ITGA4: variants seen among roughly 807,000 people sequenced by gnomAD.
The protein encoded by ITGA4 is integrin subunit alpha 4.
Under a neutral mutation model 133.6 loss-of-function variants are expected in ITGA4, and 63 were observed. That is an observed-to-expected ratio of 0.47 (90% CI 0.38 to 0.58). ITGA4 has a LOEUF of 0.58. ITGA4 is among the 20% of genes least tolerant of loss of function. The pLI is 0.00. For synonymous variants in ITGA4, 483 were observed against 438.0 expected, an observed-to-expected ratio of 1.10 and a Z score of -1.28; for missense variants, 1,076 against 1,252.7, an observed-to-expected ratio of 0.86 and a Z score of 2.13.
chr2:181,535,632 T>A lies in ITGA4; in HGVS notation c.*105T>A. 7.1e-7 allele frequency: 1 copy of A among 1,407,798 alleles called. No individual in the cohort carries two copies. The highest frequency in any genetic ancestry group is 9.5e-7 in the Non-Finnish European group (1 of 1,052,312). 87.2% of individuals were successfully genotyped at this position (1,407,798 alleles called of 1,614,324 possible). ...AAATGAATTTTGTTTGGACTTCTTT[T>A]ACTCATGATCTTGTGACATATTATG... On this transcript the variant is annotated 3_prime_UTR_variant, in exon 28 of 28. Transcript: ENST00000397033.
chr2:181,469,866 G>A (rs1167560845), intron 2 of ITGA4, among the ~76,000 whole-genome samples: 2 of 151,638 alleles, frequency 1.3e-5, no homozygotes, highest in African/African-American at 2.4e-5. Flanking sequence ...ATTGAACAAT[G>A]AGAACACTTG....
intron 2 of ITGA4, among the ~76,000 whole-genome samples, chr2:181,466,723 A>G (rs1685425032): frequency 1.3e-5 from 2 of 152,174 alleles, no homozygotes; most frequent in African/African-American, 4.8e-5. Flanking sequence ...ATTAGTATTA[A>G]TGGATTTAGT....
At chr2:181,528,114 TATA>T (rs1449686481) in intron 22 of ITGA4, among the ~76,000 whole-genome samples, 1 of 152,210 alleles carries the variant, frequency 6.6e-6, no homozygotes, top group Non-Finnish European at 1.5e-5. Flanking sequence ...TTGGATTAGG[TATA>T]ATATTTTGTA....
chr2:181,492,987 AAC>A (rs1686085024), intron 10 of ITGA4: 2 of 193,646 alleles, frequency 1.0e-5, no homozygotes, highest in Non-Finnish European at 2.1e-5. Flanking sequence ...AGGGAATTGA[AAC>A]ACAGATTAAG....
At chr2:181,475,414 TTAAC>T (rs1447461533) in intron 4 of ITGA4, 126 bp downstream of exon 4, 15 of 736,356 alleles carry the variant, frequency 2.0e-5, no homozygotes, top group Non-Finnish European at 3.1e-5. Flanking sequence ...TATGTTCTTT[TTAAC>T]TACTCAATTT....
Position 181,516,043 on chromosome 2 carries a change from T to C in ITGA4, c.1922+4268T>C, listed in dbSNP as rs561277561. Among the ~76,000 whole-genome samples the C allele has an allele frequency of 1.3e-5, 2 of 152,222 alleles. No individual in the cohort carries two copies. The highest frequency in any genetic ancestry group is 4.1e-4 in the South Asian group (2 of 4,824). On this transcript the variant is annotated intron_variant, in intron 17 of 27. Transcript: ENST00000397033. This position sits in a 1 kb window ranked among gnomAD's most constrained non-coding sequence, Gnocchi z 4.0. Reference sequence around the variant, plus strand: ...TGAGGCTTCCTCCTGTATGTCTAAATGCTTAGGACAATAAACTGCATTTAT... The same window carrying C: ...TGAGGCTTCCTCCTGTATGTCTAAACGCTTAGGACAATAAACTGCATTTAT...
chr2:181,534,068 A>T (rs1687001026), intron 25 of ITGA4, among the ~76,000 whole-genome samples: 1 of 152,184 alleles, frequency 6.6e-6, no homozygotes, highest in Non-Finnish European at 1.5e-5. Flanking sequence ...TGTTTAATCA[A>T]AGGATTTCAA....
At chr2:181,466,429 C>G (rs982404689) in intron 2 of ITGA4, among the ~76,000 whole-genome samples, 1 of 152,040 alleles carries the variant, frequency 6.6e-6, no homozygotes, top group Non-Finnish European at 1.5e-5. Flanking sequence ...CATTTAAACA[C>G]ATTTTTTTAA....
Position 181,462,524 on chromosome 2 carries a change from C to A in ITGA4, c.319+4207C>A, listed in dbSNP as rs144561415. Reference sequence around the variant, plus strand: ...ATATGTTTTTCTTGATAACTTTTTACTTTTTCATTTGCAATGTGCTTTAAA... The same window carrying A: ...ATATGTTTTTCTTGATAACTTTTTAATTTTTCATTTGCAATGTGCTTTAAA... On this transcript the variant is annotated intron_variant, in intron 2 of 27. Transcript: ENST00000397033. 2.0e-3 allele frequency among the ~76,000 whole-genome samples: 303 copies of A among 152,238 alleles called. 3 individuals are homozygous for A. The highest frequency in any genetic ancestry group is 6.9e-3 in the African/African-American group (287 of 41,552).
chr2:181,492,359 T>C (rs1252592695), intron 10 of ITGA4, among the ~76,000 whole-genome samples: 3 of 152,256 alleles, frequency 2.0e-5, no homozygotes, highest in Non-Finnish European at 4.4e-5. Flanking sequence ...ATATCAAAGA[T>C]ATTTTTATCC....
At chr2:181,458,359 C>A (rs773206388) in intron 2 of ITGA4, 42 bp downstream of exon 2, 2 of 1,594,608 alleles carry the variant, frequency 1.3e-6, no homozygotes, top group East Asian at 4.5e-5. Context: ...CCTCCCGACC[C>A]CCCATGTGGA....
At chr2:181,471,860 T>G (rs755919808) in intron 2 of ITGA4, among the ~76,000 whole-genome samples, 1 of 152,220 alleles carries the variant, frequency 6.6e-6, no homozygotes, top group Non-Finnish European at 1.5e-5. Flanking sequence ...GTTCTCCTAT[T>G]TCTAAGAATC....
At chr2:181,499,330 T>A (rs1686221684) in intron 15 of ITGA4, among the ~76,000 whole-genome samples, 1 of 152,120 alleles carries the variant, frequency 6.6e-6, no homozygotes, top group African/African-American at 2.4e-5. Context: ...TGGTTTGGGG[T>A]ATGTCCTGCC....
At chr2:181,477,585 A>T (rs1253731048) in intron 4 of ITGA4, among the ~76,000 whole-genome samples, 1 of 152,166 alleles carries the variant, frequency 6.6e-6, no homozygotes, top group Admixed American at 6.6e-5. Flanking sequence ...CAATAAGTAG[A>T]TGAAAAGGTG....
At position 181,538,121 on chromosome 2, in the gene ITGA4, C is replaced by T. The variant is rs746304346; in HGVS notation, c.*2594C>T. 8.7e-7 allele frequency: 1 copy of T among 1,153,628 alleles called. No homozygotes were observed. The highest frequency in any genetic ancestry group is 2.4e-5 in the East Asian group (1 of 42,416). 71.5% of individuals were successfully genotyped at this position (1,153,628 alleles called of 1,614,324 possible). The stretch of plus-strand genomic sequence containing the variant: ...AAGGGTGGGGACCACAGGTTTAAAG[C>T]ATGGCCACATTTCTTTATATTAAAA... On this transcript the variant is annotated 3_prime_UTR_variant, in exon 28 of 28. Coordinates refer to ENST00000397033, the MANE Select transcript of ITGA4 (RefSeq NM_000885.6).
At position 181,475,217 on chromosome 2, in the gene ITGA4, C is replaced by G. The variant is rs1223711448; in HGVS notation, c.485C>G (p.Thr162Ser). 6.2e-7 allele frequency: 1 copy of G among 1,611,792 alleles called. No homozygotes were observed. Among genetic ancestry groups the G allele is most frequent in the Admixed American group, 1.7e-5 (1 of 59,994 alleles). The change falls in exon 4 of 28, where the codon ACT becomes AGT. Residue 162 changes from threonine (T) to serine (S), a missense_variant. This residue lies in a region of ITGA4 where 436 missense variants were observed against 590.7 expected (regional missense o/e 0.74). Coordinates refer to ENST00000397033, the MANE Select transcript of ITGA4 (RefSeq NM_000885.6). ...FYIKNENKLPTGGCYGVPPDL... is the reference protein window; with the variant it reads ...FYIKNENKLPSGGCYGVPPDL... ...ATAAAGAATGAAAATAAGCTCCCCA[C>G]TGGTGGTTGCTATGGAGTGCCCCCT...
In ITGA4 at chr2:181,537,611, T is replaced by C. The variant is rs188892870; in HGVS notation, c.*2084T>C. On this transcript the variant is annotated 3_prime_UTR_variant, in exon 28 of 28. Transcript: ENST00000397033. The stretch of plus-strand genomic sequence containing the variant: ...TATATTTGTAACAGAATATAGGAAA[T>C]TTAACATAATTGATGAGCTCAAATC... 1.2e-3 allele frequency: 519 copies of C among 430,540 alleles called. 4 individuals carry two copies. The highest frequency in any genetic ancestry group is 9.6e-3 in the African/African-American group (465 of 48,610). 26.7% of individuals were successfully genotyped at this position (430,540 alleles called of 1,614,324 possible). A position where few individuals can be genotyped will look rare whatever the true frequency, so the allele number is the denominator to read the frequency against.
In ITGA4 at chr2:181,530,706, T is replaced by G. The variant is rs1574414875; in HGVS notation, c.2664+57T>G. ...GCTTTCCAACAGAGAAGTGAGACAC[T>G]TAAAATCAAGTCAATGGGTTTGAGC... On this transcript the variant is annotated intron_variant, in intron 24 of 27. Coordinates refer to ENST00000397033, the MANE Select transcript of ITGA4 (RefSeq NM_000885.6). 5 of 1,535,570 alleles carry G rather than the reference T, an allele frequency of 3.3e-6. No homozygotes were observed. In the East Asian group the frequency reaches 1.1e-4, roughly 35 times the overall value.
At chr2:181,482,303 T>A in intron 7 of ITGA4, 57 bp from the exon 8 acceptor site, 32 of 1,470,974 alleles carry the variant, frequency 2.2e-5, no homozygotes, top group Non-Finnish European at 2.8e-5. Context: ...CAGAAAGGAG[T>A]GGTGTTTTAA....
Sources: allele counts gnomAD v4.1 joint callset (sites outside exome capture counted in the v4.1 genomes callset), GRCh38; gene constraint gnomAD v4.1.1; regional missense constraint gnomAD v4.1.1; non-coding constraint Gnocchi (gnomAD v3.1); transcripts MANE v1.5; gene names NCBI Gene and HGNC (gene_info 2026-07-23, HGNC 2026-07-21).